The following SPAG16 variants were observed in gnomAD, a reference collection of about 807,000 sequenced individuals.
The protein encoded by SPAG16 is sperm-associated antigen 16 protein.
SPAG16 carries 86 observed loss-of-function variants against 80.4 expected under a neutral mutation model. That is an observed-to-expected ratio of 1.07 (90% CI 0.90 to 1.28). SPAG16 has a LOEUF of 1.28. Ranked by LOEUF, SPAG16 falls within the 50% of genes most tolerant of loss-of-function variation. The probability of loss-of-function intolerance (pLI) is 0.00; values close to 1 mark genes in which losing one functional copy is unlikely to be tolerated. For synonymous variants in SPAG16, 294 were observed against 265.9 expected (o/e 1.11, Z -1.03); for missense variants, 870 against 765.3 (o/e 1.14, Z -1.61).
At chr2:213,958,376 C>G (rs2044252641) in intron 12 of SPAG16, among the ~76,000 whole-genome samples, 1 of 152,080 alleles carries the variant, frequency 6.6e-6, no homozygotes, top group Non-Finnish European at 1.5e-5. Flanking sequence ...AAACTCCTCC[C>G]AGTTCCTCAA....
At chr2:213,806,484 A>C (rs2071776130) in intron 10 of SPAG16, among the ~76,000 whole-genome samples, 10 of 152,164 alleles carry the variant, frequency 6.6e-5, no homozygotes, top group Admixed American at 6.5e-4. Context: ...GAGATTTTGG[A>C]ATTAAATTAA....
chr2:214,266,147 T>C (rs1003824595), intron 15 of SPAG16, among the ~76,000 whole-genome samples: 2 of 150,956 alleles, frequency 1.3e-5, no homozygotes, highest in African/African-American at 4.9e-5. Flanking sequence ...TCCTTATCTA[T>C]GAGTGTCTTT....
chr2:213,611,313 C>CA (rs898686507), intron 10 of SPAG16, among the ~76,000 whole-genome samples: 2 of 152,054 alleles, frequency 1.3e-5, no homozygotes, highest in Non-Finnish European at 2.9e-5. Context: ...AAATAAAAGT[C>CA]AAAAACATTG....
chr2:214,135,723 GTCTCTCTCTCTC>G (rs372301135), intron 14 of SPAG16, among the ~76,000 whole-genome samples: 3 of 145,674 alleles, frequency 2.1e-5, no homozygotes, highest in African/African-American at 7.5e-5. Context: ...CTGTCTCTCT[GTCTCTCTCTCTC>G]TCTCTCTCTC....
At chr2:214,099,947 A>G (rs1245344864) in intron 13 of SPAG16, among the ~76,000 whole-genome samples, 1 of 152,022 alleles carries the variant, frequency 6.6e-6, no homozygotes, top group Admixed American at 6.6e-5. Context: ...TGTAAATTAT[A>G]TGTCACTGAT....
At chr2:213,773,766 C>A (rs906448741) in intron 10 of SPAG16, among the ~76,000 whole-genome samples, 19 of 152,126 alleles carry the variant, frequency 1.2e-4, no homozygotes, top group African/African-American at 4.3e-4. Context: ...CTTGGCCAGG[C>A]TGGTCCTGAA....
intron 11 of SPAG16, among the ~76,000 whole-genome samples, chr2:213,896,372 A>T (rs1402097374): frequency 2.6e-5 from 4 of 152,066 alleles, no homozygotes; most frequent in South Asian, 4.2e-4. Flanking sequence ...CATAGCTACT[A>T]TGGAGAACAG....
chr2:213,484,892 A>G (rs2073909981), intron 9 of SPAG16, among the ~76,000 whole-genome samples: 1 of 152,214 alleles, frequency 6.6e-6, no homozygotes, highest in African/African-American at 2.4e-5. Context: ...ATCTCTGAAT[A>G]AAGTGTAGTT....
At chr2:213,477,339 C>T (rs866047702) in intron 9 of SPAG16, among the ~76,000 whole-genome samples, 1 of 152,194 alleles carries the variant, frequency 6.6e-6, no homozygotes, top group Admixed American at 6.5e-5. Flanking sequence ...GGCCACCATC[C>T]TCCAGACCTC....
intron 15 of SPAG16, among the ~76,000 whole-genome samples, chr2:214,171,068 C>A (rs1469359430): frequency 6.6e-6 from 1 of 152,000 alleles, no homozygotes; most frequent in African/African-American, 2.4e-5. Context: ...TGTGCCTTTA[C>A]ATCCAAGAGC....
intron 14 of SPAG16, among the ~76,000 whole-genome samples, chr2:214,143,916 G>A (rs188440986): frequency 1.3e-5 from 2 of 152,098 alleles, no homozygotes; most frequent in Admixed American, 1.3e-4. Context: ...CCAGCACTTC[G>A]GCAGGTCAAG....
chr2:213,681,041 C>CAG (rs953012945), intron 10 of SPAG16, among the ~76,000 whole-genome samples: 9 of 151,888 alleles, frequency 5.9e-5, no homozygotes, highest in African/African-American at 1.5e-4. Context: ...TAGCTGACTT[C>CAG]AGAGAGAGAG....
chr2:213,788,820 C>T (rs2070504699), intron 10 of SPAG16, among the ~76,000 whole-genome samples: 1 of 151,498 alleles, frequency 6.6e-6, no homozygotes, highest in South Asian at 2.1e-4. Context: ...TTTTTGTTTG[C>T]TTGTTTTATG....
At position 214,049,110 on chromosome 2, in the gene SPAG16, A is replaced by C. The variant is rs577237681; in HGVS notation, c.1527+35033A>C. 2.6e-5 allele frequency among the ~76,000 whole-genome samples: 4 copies of C among 152,142 alleles called. No homozygotes were observed. The South Asian group carries it at 8.3e-4, about 32-fold the overall frequency. On this transcript the variant is annotated intron_variant, in intron 13 of 15. Transcript: ENST00000331683. Reference sequence around the variant, plus strand: ...ACCATCATGCCTAGCTAAATTTTAAACATTTTCTAGAGATGAGGTCTACTA... The same window carrying C: ...ACCATCATGCCTAGCTAAATTTTAACCATTTTCTAGAGATGAGGTCTACTA...
At chr2:214,215,751 C>T (rs971088820) in intron 15 of SPAG16, among the ~76,000 whole-genome samples, 6 of 152,182 alleles carry the variant, frequency 3.9e-5, no homozygotes, top group Admixed American at 1.3e-4. Flanking sequence ...TCTGTTCCTT[C>T]TGCCAGTTGC....
At chr2:213,708,632 G>C (rs2065854862) in intron 10 of SPAG16, among the ~76,000 whole-genome samples, 1 of 152,072 alleles carries the variant, frequency 6.6e-6, no homozygotes, top group Non-Finnish European at 1.5e-5. Flanking sequence ...ACTAAAAATA[G>C]TATTTGAAAT....
At chr2:213,400,660 G>A (rs902673382) in intron 9 of SPAG16, among the ~76,000 whole-genome samples, 2 of 152,104 alleles carry the variant, frequency 1.3e-5, no homozygotes, top group African/African-American at 2.4e-5. Flanking sequence ...TCAGTATCCT[G>A]TACACCTAGA....
chr2:213,532,739 G>T (rs112808709), intron 10 of SPAG16, among the ~76,000 whole-genome samples: 1,916 of 151,852 alleles, frequency 0.013, 39 homozygotes, highest in African/African-American at 0.043. Context: ...GGGATTACAG[G>T]CATGAGCCAT....
chr2:213,976,109 G>GATATATATAT lies in SPAG16; in HGVS notation c.1401-37824_1401-37815dup, dbSNP rs1553685173. Among the ~76,000 whole-genome samples, 381 of 121,370 alleles carry GATATATATAT rather than the reference G, an allele frequency of 3.1e-3. 3 individuals are homozygous for GATATATATAT. The highest frequency in any genetic ancestry group is 4.2e-3 in the Non-Finnish European group (247 of 59,424). The allele number at this position is 121,370 out of a possible 152,430, so 79.6% of individuals were successfully genotyped here. Reference sequence around the variant, plus strand: ...GTGAGTGATCTAAGACAGTGAGGGAGATATATATATATATATATATATATA... The same window carrying GATATATATAT: ...GTGAGTGATCTAAGACAGTGAGGGAGATATATATATATATATATATATATATATATATATA... On this transcript the variant is annotated intron_variant, in intron 12 of 15. Transcript: ENST00000331683.
Sources: allele counts gnomAD v4.1 joint callset (sites outside exome capture counted in the v4.1 genomes callset), GRCh38; gene constraint gnomAD v4.1.1; transcripts MANE v1.5; gene names NCBI Gene and HGNC (gene_info 2026-07-23, HGNC 2026-07-21).